Variants in TTC6 observed in about 807,000 individuals in gnomAD.
TTC6 encodes the protein tetratricopeptide repeat domain 6.
TTC6 carries 172 observed loss-of-function variants against 210.4 expected under a neutral mutation model. That is an observed-to-expected ratio of 0.82 (90% CI 0.72 to 0.93). TTC6 has a LOEUF of 0.93. TTC6 is among the 40% of genes least tolerant of loss of function. The pLI, the probability that TTC6 is intolerant of heterozygous loss-of-function variation, is 0.00. For synonymous variants in TTC6, 804 were observed against 819.6 expected, an observed-to-expected ratio of 0.98 and a Z score of 0.32; for missense variants, 2,414 against 2,318.1, an observed-to-expected ratio of 1.04 and a Z score of -0.85.
chr14:37,636,504 A>T (rs926088001), intron 1 of TTC6, among the ~76,000 whole-genome samples: 1 of 152,192 alleles, frequency 6.6e-6, no homozygotes, highest in South Asian at 2.1e-4. Context: ...AAACTAAACA[A>T]TACAATTCTG....
intron 14 of TTC6, among the ~76,000 whole-genome samples, chr14:37,770,107 G>A (rs2096013144): frequency 6.6e-6 from 1 of 152,068 alleles, no homozygotes; most frequent in Non-Finnish European, 1.5e-5. Flanking sequence ...ATGTAGTTGA[G>A]CGGTTTTGAG....
chr14:37,749,839 T>C (rs895594482), exon 12 of TTC6: 1 of 1,384,202 alleles, frequency 7.2e-7, no homozygotes, highest in Non-Finnish European at 9.3e-7. Context: ...ATAAAAATAA[T>C]ACAGGTGGGT....
At chr14:37,596,839 T>C (rs1225608984) in intron 1 of TTC6, among the ~76,000 whole-genome samples, 1 of 152,250 alleles carries the variant, frequency 6.6e-6, no homozygotes, top group African/African-American at 2.4e-5. Context: ...TCCAAACAGA[T>C]ACCTTTTTCC....
Position 37,725,015 on chromosome 14 carries a change from A to G in TTC6, c.1818+13A>G. The G allele has an allele frequency of 7.2e-7, 1 of 1,386,728 alleles. No homozygotes were observed. The highest frequency in any genetic ancestry group is 9.7e-7 in the Non-Finnish European group (1 of 1,026,038). The allele number at this position is 1,386,728 out of a possible 1,614,324, so 85.9% of individuals were successfully genotyped here. On this transcript the variant is annotated intron_variant, in intron 7 of 30. Transcript: ENST00000553443. ...TCCAAAATATGAGGTAACATACCGA[A>G]TGGGTTTTCTCTATTATTGTTGTTG...
At chr14:37,718,846 G>A (rs1329949153) in intron 6 of TTC6, among the ~76,000 whole-genome samples, 1 of 152,100 alleles carries the variant, frequency 6.6e-6, no homozygotes, top group African/African-American at 2.4e-5. Flanking sequence ...GGTGAGGTGG[G>A]AAGATAACCT....
chr14:37,716,456 A>G (rs4901140), intron 6 of TTC6, among the ~76,000 whole-genome samples: 35,208 of 151,920 alleles, frequency 0.23, 4,637 homozygotes, highest in East Asian at 0.46. Context: ...AATTTAAAAC[A>G]TAATGATATA....
Position 37,721,908 on chromosome 14 carries a change from G to GTATATATGTATATATATATACATATA in TTC6, c.1714-2982_1714-2957dup, listed in dbSNP as rs2095862745. The stretch of plus-strand genomic sequence containing the variant: ...TATACACACACACATATATACACAT[G>GTATATATGTATATATATATACATATA]TATATATGTATATATATATACATAT... On this transcript the variant is annotated intron_variant, in intron 6 of 30. Coordinates refer to ENST00000553443, the Ensembl canonical transcript of TTC6. Among the ~76,000 whole-genome samples, 3 of 126,290 alleles carry GTATATATGTATATATATATACATATA rather than the reference G, an allele frequency of 2.4e-5. No individual in the cohort carries two copies. The Admixed American group carries it at 2.4e-4, about 10-fold the overall frequency. The allele number at this position is 126,290 out of a possible 152,430, so 82.9% of individuals were successfully genotyped here. A position where few individuals can be genotyped will look rare whatever the true frequency, so the allele number is the denominator to read the frequency against.
rs932963299 is a variant in TTC6 at position 37,598,431 on chromosome 14, C to A, written c.-235+2423C>A. Among the ~76,000 whole-genome samples the A allele has an allele frequency of 6.6e-6, 1 of 152,198 alleles. No individual in the cohort carries two copies. Among genetic ancestry groups the A allele is most frequent in the African/African-American group, 2.4e-5 (1 of 41,458 alleles). On this transcript the variant is annotated intron_variant, in intron 1 of 2. Coordinates refer to the TTC6 transcript ENST00000556845. The surrounding 1 kb of genome is among the most constrained non-coding windows in gnomAD (Gnocchi z 4.9). ...CGCGGGTACTCCGGGTAGCCGCCAG[C>A]GGAGGAAGCGGCTCCGCCCTTCCCG... is the stretch of plus-strand genomic sequence containing the variant.
At chr14:37,673,638 C>A (rs1385295382) in intron 1 of TTC6, among the ~76,000 whole-genome samples, 1 of 152,054 alleles carries the variant, frequency 6.6e-6, no homozygotes, top group African/African-American at 2.4e-5. Flanking sequence ...TGTTGCTGTC[C>A]ATCTGCTTCA....
At chr14:37,768,940 G>T (rs2096008176) in intron 14 of TTC6, among the ~76,000 whole-genome samples, 3 of 151,378 alleles carry the variant, frequency 2.0e-5, no homozygotes, top group Admixed American at 6.6e-5. Context: ...CTGTGGGTTT[G>T]TCATAGATAG....
At chr14:37,636,089 G>A (rs568562419) in intron 1 of TTC6, among the ~76,000 whole-genome samples, 2 of 151,536 alleles carry the variant, frequency 1.3e-5, no homozygotes, top group South Asian at 4.2e-4. Flanking sequence ...CACAGTTTTA[G>A]GCATGTATTT....
chr14:37,637,103 A>AC (rs1412710654), intron 1 of TTC6, among the ~76,000 whole-genome samples: 1 of 152,134 alleles, frequency 6.6e-6, no homozygotes, highest in Non-Finnish European at 1.5e-5. Flanking sequence ...CAACAAACAA[A>AC]CAAACCAAAC....
At chr14:37,677,477 A>G (rs957305757) in intron 1 of TTC6, among the ~76,000 whole-genome samples, 2 of 151,310 alleles carry the variant, frequency 1.3e-5, no homozygotes, top group African/African-American at 2.5e-5. Flanking sequence ...ATGTGTAATC[A>G]TATTCATTTG....
intron 14 of TTC6, among the ~76,000 whole-genome samples, chr14:37,764,459 T>C (rs1355889003): frequency 1.3e-5 from 2 of 152,170 alleles, no homozygotes; most frequent in East Asian, 3.8e-4. Context: ...GGCTCTGTTT[T>C]TGACTGTGTT....
intron 9 of TTC6, among the ~76,000 whole-genome samples, chr14:37,738,181 TTAA>T (rs1171858032): frequency 9.4e-5 from 14 of 149,678 alleles, no homozygotes; most frequent in East Asian, 7.7e-4. Flanking sequence ...TATATAATTA[TTAA>T]TGTTATAATA....
chr14:37,775,084 T>G (rs928445021), intron 14 of TTC6, among the ~76,000 whole-genome samples: 1 of 152,204 alleles, frequency 6.6e-6, no homozygotes, highest in African/African-American at 2.4e-5. Flanking sequence ...GACACCCCTT[T>G]GTCATTTTTG....
At chr14:37,620,515 G>A (rs2095649522), upstream of TTC6, among the ~76,000 whole-genome samples, 1 of 151,858 alleles carries the variant, frequency 6.6e-6, no homozygotes, top group African/African-American at 2.4e-5. Context: ...TGCCCCTCCC[G>A]CCTCACACAG....
chr14:37,634,000 A>G (rs1388880303), intron 1 of TTC6, among the ~76,000 whole-genome samples: 1 of 152,200 alleles, frequency 6.6e-6, no homozygotes, highest in Non-Finnish European at 1.5e-5. Context: ...CAGCTAAAAC[A>G]GAAAGTCAAA....
chr14:37,607,758 G>A (rs2095627815), intron 2 of TTC6, among the ~76,000 whole-genome samples: 2 of 151,828 alleles, frequency 1.3e-5, no homozygotes, highest in Non-Finnish European at 2.9e-5. Flanking sequence ...CCCCAAGGTA[G>A]CTAGGACTAT....
Sources: gnomAD v4.1 joint callset for allele counts (sites outside exome capture counted in the v4.1 genomes callset) on GRCh38, gnomAD v4.1.1 for gene constraint, Gnocchi (gnomAD v3.1) non-coding constraint, MANE v1.5 for transcripts, NCBI Gene and HGNC (gene_info 2026-07-23, HGNC 2026-07-21) for gene names.